MACROD2: variants seen among roughly 807,000 people sequenced by gnomAD.
MACROD2 encodes the protein mono-ADP ribosylhydrolase 2, also known as ADP-ribose glycohydrolase MACROD2.
MACROD2 carries 36 observed loss-of-function variants against 70.4 expected under a neutral mutation model. The ratio of observed to expected loss-of-function variants is 0.51; its 90% CI spans 0.39 to 0.68. The LOEUF is 0.68. Ranked by LOEUF, MACROD2 falls within the 30% of genes least tolerant of loss-of-function variation. The pLI is 0.00. For missense variants in MACROD2, 496 were observed against 538.4 expected (o/e 0.92, Z 0.78); for synonymous variants, 172 against 178.8 (o/e 0.96, Z 0.30).
chr20:14,351,238 T>TTTG (rs144880503), intron 3 of MACROD2, among the ~76,000 whole-genome samples: 3 of 152,134 alleles, frequency 2.0e-5, no homozygotes, highest in South Asian at 2.1e-4. Context: ...TTCTGGTTTT[T>TTTG]TTGTTGTTGT....
chr20:14,242,861 A>G (rs1168356932), intron 3 of MACROD2, among the ~76,000 whole-genome samples: 1 of 152,208 alleles, frequency 6.6e-6, no homozygotes, highest in Non-Finnish European at 1.5e-5. Flanking sequence ...AGAGCCTTTC[A>G]GAAAAAAGGA....
intron 8 of MACROD2, among the ~76,000 whole-genome samples, chr20:15,551,998 C>T (rs2048105767): frequency 6.6e-6 from 1 of 151,752 alleles, no homozygotes; most frequent in Non-Finnish European, 1.5e-5. Context: ...TTTTTATATG[C>T]ATACATTTTT....
At chr20:14,996,892 C>T (rs1049522296) in intron 5 of MACROD2, among the ~76,000 whole-genome samples, 2 of 152,170 alleles carry the variant, frequency 1.3e-5, no homozygotes, top group Non-Finnish European at 2.9e-5. Flanking sequence ...CCATTGTAGT[C>T]CTTGTGGCCT....
rs912823619 is a variant in MACROD2, at chr20:15,242,948, G to A, written c.540+12887G>A. ...AGAATTGGGCAGAGGGAGAAGTCAC[G>A]TGATGATGCAATGTTTATGGAGCAT... On this transcript the variant is annotated intron_variant, in intron 6 of 17. Coordinates refer to ENST00000684519, the MANE Select transcript of MACROD2 (RefSeq NM_001351661.2). Among the ~76,000 whole-genome samples, 6 of 152,182 alleles carry A rather than the reference G, an allele frequency of 3.9e-5. No homozygotes were observed. In the East Asian group the frequency reaches 5.8e-4, roughly 15 times the overall value.
intron 8 of MACROD2, among the ~76,000 whole-genome samples, chr20:15,783,757 C>T (rs1481374179): frequency 6.6e-6 from 1 of 152,154 alleles, no homozygotes; most frequent in East Asian, 1.9e-4. Flanking sequence ...AGTGTGTCTC[C>T]AGTTGCCTCT....
chr20:15,909,680 C>T (rs928636623), intron 10 of MACROD2, among the ~76,000 whole-genome samples: 27 of 151,890 alleles, frequency 1.8e-4, no homozygotes, highest in Admixed American at 6.5e-4. Context: ...CCCGCCACTG[C>T]GCCCGGCTAA....
At chr20:14,739,264 T>A (rs1226008460) in intron 5 of MACROD2, among the ~76,000 whole-genome samples, 2 of 152,094 alleles carry the variant, frequency 1.3e-5, no homozygotes, top group Non-Finnish European at 2.9e-5. Context: ...ATGAAAAATC[T>A]CTTTAAGTAC....
chr20:15,130,238 T>C (rs2123273702), intron 5 of MACROD2, among the ~76,000 whole-genome samples: 1 of 152,110 alleles, frequency 6.6e-6, no homozygotes, highest in South Asian at 2.1e-4. Flanking sequence ...AAATCAGCAC[T>C]GACCATTCAC....
intron 5 of MACROD2, among the ~76,000 whole-genome samples, chr20:14,816,879 A>T (rs1244028883): frequency 6.6e-6 from 1 of 152,110 alleles, no homozygotes; most frequent in Admixed American, 6.6e-5. Context: ...TGAAAAAAAA[A>T]TAAATAATTG....
chr20:14,708,490 A>G (rs2071297338), intron 5 of MACROD2, among the ~76,000 whole-genome samples: 1 of 152,208 alleles, frequency 6.6e-6, no homozygotes, highest in Non-Finnish European at 1.5e-5. Context: ...TGCTGTTACA[A>G]ATAAGAACAT....
At chr20:14,310,612 A>C (rs371506337) in intron 3 of MACROD2, among the ~76,000 whole-genome samples, 1 of 152,168 alleles carries the variant, frequency 6.6e-6, no homozygotes, top group Non-Finnish European at 1.5e-5. Context: ...TGTATTTACT[A>C]TACTTTTTTT....
intron 6 of MACROD2, among the ~76,000 whole-genome samples, chr20:15,379,370 A>G (rs1469300632): frequency 6.6e-6 from 1 of 152,112 alleles, no homozygotes; most frequent in African/African-American, 2.4e-5. Flanking sequence ...TGTCAGTTTC[A>G]CATAGTTTGA....
intron 3 of MACROD2, among the ~76,000 whole-genome samples, chr20:14,370,707 G>C (rs1227743386): frequency 6.6e-6 from 1 of 152,140 alleles, no homozygotes; most frequent in African/African-American, 2.4e-5. Context: ...CAATCCATTG[G>C]TGTCACTACT....
At chr20:15,052,943 G>C (rs1428843553) in intron 5 of MACROD2, among the ~76,000 whole-genome samples, 1 of 152,194 alleles carries the variant, frequency 6.6e-6, no homozygotes, top group Non-Finnish European at 1.5e-5. Flanking sequence ...CTTTATGGGA[G>C]ATATGGAGAA....
chr20:15,382,584 C>T (rs1038042015), intron 6 of MACROD2, among the ~76,000 whole-genome samples: 1 of 152,094 alleles, frequency 6.6e-6, no homozygotes, highest in Admixed American at 6.6e-5. Context: ...ATGAAGCAGA[C>T]TCAGAGAAGC....
intron 3 of MACROD2, among the ~76,000 whole-genome samples, chr20:14,261,649 G>A (rs1003501873): frequency 6.6e-6 from 1 of 152,154 alleles, no homozygotes; most frequent in African/African-American, 2.4e-5. Context: ...TATGTTGAAT[G>A]AGAACGTTAT....
At chr20:14,177,467 C>T (rs1366625578) in intron 3 of MACROD2, among the ~76,000 whole-genome samples, 2 of 151,970 alleles carry the variant, frequency 1.3e-5, no homozygotes, top group African/African-American at 2.4e-5. Context: ...CAGGTATGCA[C>T]CACCACGCCT....
Position 14,575,201 on chromosome 20 carries a change from A to G in MACROD2, c.301+81693A>G, listed in dbSNP as rs192383071. ...ATTTATTTACTAATTACCTTAATAT[A>G]ATAAACCCATTATATTAGTATAAAT... On this transcript the variant is annotated intron_variant, in intron 4 of 17. Coordinates refer to ENST00000684519, the MANE Select transcript of MACROD2 (RefSeq NM_001351661.2). Among the ~76,000 whole-genome samples the G allele has an allele frequency of 2.3e-4, 35 of 152,144 alleles. No individual in the cohort carries two copies. The East Asian group carries it at 5.6e-3, about 24-fold the overall frequency.
chr20:15,848,451 A>G (rs755651040), intron 8 of MACROD2, among the ~76,000 whole-genome samples: 1 of 152,166 alleles, frequency 6.6e-6, no homozygotes, highest in Non-Finnish European at 1.5e-5. Flanking sequence ...AATATTATAG[A>G]TACTACATTA....
Sources: gnomAD v4.1 joint callset for allele counts (sites outside exome capture counted in the v4.1 genomes callset) on GRCh38, gnomAD v4.1.1 for gene constraint, MANE v1.5 for transcripts, NCBI Gene and HGNC (gene_info 2026-07-23, HGNC 2026-07-21) for gene names.